PIEZO2: variants seen among roughly 807,000 people sequenced by gnomAD.
PIEZO2 encodes the protein piezo-type mechanosensitive ion channel component 2.
In PIEZO2, 172 loss-of-function variants were observed where a neutral mutation model predicts 337.3. That is an observed-to-expected ratio of 0.51 (90% CI 0.45 to 0.58). The LOEUF (loss-of-function observed/expected upper bound fraction) is 0.58. PIEZO2 is among the 20% of genes least tolerant of loss of function. The probability of loss-of-function intolerance (pLI) is 0.00; values close to 1 mark genes in which losing one functional copy is unlikely to be tolerated. For missense variants in PIEZO2, 3,028 were observed against 3,391.3 expected (o/e 0.89, Z 2.66); for synonymous variants, 1,251 against 1,228.5 (o/e 1.02, Z -0.38).
At chr18:10,785,453 G>C (rs2039185333) in intron 16 of PIEZO2, among the ~76,000 whole-genome samples, 4 of 152,156 alleles carry the variant, frequency 2.6e-5, no homozygotes, top group Admixed American at 2.6e-4. Context: ...AGATTCTCGT[G>C]CCCAAATTGC....
chr18:11,131,386 G>A lies in PIEZO2; in HGVS notation c.64+17139C>T, dbSNP rs1236560097. ...TACCCTGTCTTCTCTCCCACAGCCT[G>A]CACCGATGGCCTCATGGGGAGTTCC... On this transcript the variant is annotated intron_variant, in intron 1 of 55. Transcript: ENST00000674853. This position sits in a 1 kb window ranked among gnomAD's most constrained non-coding sequence, Gnocchi z 5.3. Among the ~76,000 whole-genome samples, 1 of 152,166 alleles carries A rather than the reference G, an allele frequency of 6.6e-6. No individual in the cohort carries two copies. The highest frequency in any genetic ancestry group is 1.5e-5 in the Non-Finnish European group (1 of 68,026).
At chr18:10,735,678 C>T (rs541111681) in intron 34 of PIEZO2, among the ~76,000 whole-genome samples, 1 of 152,232 alleles carries the variant, frequency 6.6e-6, no homozygotes, top group South Asian at 2.1e-4. Flanking sequence ...CATGAAGAAA[C>T]AGACACAAGA....
intron 3 of PIEZO2, among the ~76,000 whole-genome samples, chr18:10,974,600 G>A (rs2034366880): frequency 6.6e-6 from 1 of 152,188 alleles, no homozygotes; most frequent in African/African-American, 2.4e-5. Context: ...TGAATAAAGA[G>A]CTCCGTAAAG....
rs1162420836 is a variant in PIEZO2, at chr18:10,908,073, C to T, written c.329+3113G>A. Among the ~76,000 whole-genome samples the T allele has an allele frequency of 2.6e-5, 4 of 152,282 alleles. No homozygotes were observed. In the South Asian group the frequency reaches 6.2e-4, roughly 24 times the overall value. On this transcript the variant is annotated intron_variant, in intron 4 of 55. Coordinates refer to ENST00000674853, the MANE Select transcript of PIEZO2 (RefSeq NM_001378183.1). ...TGTAAATGACACATTATTATGAGTA[C>T]AGCCACATAAACTGTGACTACGTGT...
rs1436224309 is a variant in PIEZO2 at position 10,697,994 on chromosome 18, T to C, written c.6695-114A>G. The C allele has an allele frequency of 1.1e-5, 4 of 365,560 alleles. No individual in the cohort carries two copies. In the East Asian group the frequency reaches 3.4e-4, roughly 31 times the overall value. 22.6% of individuals were successfully genotyped at this position (365,560 alleles called of 1,614,324 possible). A position where few individuals can be genotyped will look rare whatever the true frequency, so the allele number is the denominator to read the frequency against. On this transcript the variant is annotated intron_variant, in intron 44 of 55. Transcript: ENST00000674853. ...GGTGGAGGGATAGCTCAGGACTGTT[T>C]GGGAGGATGAGTATGCACGGCCTTG...
intron 1 of PIEZO2, among the ~76,000 whole-genome samples, chr18:11,087,667 T>A (rs2146021214): frequency 6.6e-6 from 1 of 152,334 alleles, no homozygotes; most frequent in African/African-American, 2.4e-5. Flanking sequence ...CTTCCCTCCC[T>A]TATTCTTTCC....
chr18:11,115,259 T>C (rs1231951410), intron 1 of PIEZO2, among the ~76,000 whole-genome samples: 2 of 152,222 alleles, frequency 1.3e-5, no homozygotes, highest in African/African-American at 2.4e-5. Flanking sequence ...CATTTGCTAA[T>C]TGAAAATTGA....
At chr18:11,014,577 T>C (rs563098942) in intron 2 of PIEZO2, among the ~76,000 whole-genome samples, 2 of 142,474 alleles carry the variant, frequency 1.4e-5, no homozygotes, top group African/African-American at 5.3e-5. Flanking sequence ...CATGTCACCC[T>C]GGGTGGGAGA....
chr18:10,839,646 G>T (rs530137976), intron 7 of PIEZO2, among the ~76,000 whole-genome samples: 2 of 152,350 alleles, frequency 1.3e-5, no homozygotes, highest in South Asian at 2.1e-4. Flanking sequence ...ACCCTGAAGG[G>T]CATGGAGGCT....
chr18:10,772,798 A>G (rs913347597), intron 20 of PIEZO2, among the ~76,000 whole-genome samples: 4 of 152,210 alleles, frequency 2.6e-5, no homozygotes, highest in African/African-American at 9.6e-5. Context: ...ATCATGCTCT[A>G]TTAAAACATT....
At chr18:10,761,203 A>C (rs1598443924) in intron 23 of PIEZO2, 92 bp from the exon 24 acceptor site, 1 of 1,139,430 alleles carries the variant, frequency 8.8e-7, no homozygotes, top group East Asian at 2.6e-5. Flanking sequence ...CTACAAGGAC[A>C]ATGTTTTATA....
At chr18:10,902,522 T>C (rs2043075878) in intron 4 of PIEZO2, among the ~76,000 whole-genome samples, 1 of 152,178 alleles carries the variant, frequency 6.6e-6, no homozygotes, top group African/African-American at 2.4e-5. Context: ...ATGTCCAATG[T>C]TTACATCAGA....
At chr18:10,916,588 G>A (rs769891465) in intron 3 of PIEZO2, among the ~76,000 whole-genome samples, 7 of 152,144 alleles carry the variant, frequency 4.6e-5, no homozygotes, top group Non-Finnish European at 1.0e-4. Context: ...TGTGGGGTCC[G>A]TGAGGCCGCG....
chr18:10,786,716 AACTT>A (rs2039236778), intron 16 of PIEZO2, among the ~76,000 whole-genome samples: 1 of 152,232 alleles, frequency 6.6e-6, no homozygotes, highest in Non-Finnish European at 1.5e-5. Flanking sequence ...TAAGTGCATG[AACTT>A]ACTTAAGAAC....
Position 10,752,778 on chromosome 18 carries a change from C to A in PIEZO2, c.4025G>T (p.Cys1342Phe). 6.5e-7 allele frequency: 1 copy of A among 1,537,172 alleles called. No homozygotes were observed. The highest frequency in any genetic ancestry group is 8.7e-7 in the Non-Finnish European group (1 of 1,146,896). The stretch of plus-strand genomic sequence containing the variant: ...GAAACAGGCCACCAGGTACCCCATG[C>A]AAAAGATGCTGATCCTGGTGGTCCC... Reference protein sequence around the residue: ...ITGTTRISIFCMGYLVACFYF... With the variant: ...ITGTTRISIFFMGYLVACFYF... Residue 1342 changes from cysteine to phenylalanine, a missense_variant, in exon 28 of 56, where the codon TGC (cysteine) becomes TTC (phenylalanine). Cys to Phe is a radical substitution (Grantham distance 205). Around this residue, in one of 5 missense-constraint regions of PIEZO2, gnomAD observed 1,925 missense variants for 2,051.9 expected, o/e 0.94. Coordinates refer to ENST00000674853, the MANE Select transcript of PIEZO2 (RefSeq NM_001378183.1).
chr18:10,951,275 C>G (rs576802800), intron 3 of PIEZO2, among the ~76,000 whole-genome samples: 1 of 152,298 alleles, frequency 6.6e-6, no homozygotes, highest in African/African-American at 2.4e-5. Context: ...AAAACCTTCT[C>G]TTTGTTTCTC....
At position 10,795,075 on chromosome 18, in the gene PIEZO2, A is replaced by T; in HGVS notation, c.1528-73T>A. ...AGTCCCCCCCGCCCTGGTAAGGTAA[A>T]AACTATCTAAAAAGAAAAGGTCATA... On this transcript the variant is annotated intron_variant, in intron 12 of 55. Transcript: ENST00000674853. The surrounding 1 kb of genome is among the most constrained non-coding windows in gnomAD (Gnocchi z 4.4). 8.0e-7 allele frequency: 1 copy of T among 1,255,052 alleles called. No homozygotes were observed. 77.7% of individuals were successfully genotyped at this position (1,255,052 alleles called of 1,614,324 possible). A position where few individuals can be genotyped will look rare whatever the true frequency, so the allele number is the denominator to read the frequency against.
At chr18:10,907,737 C>T (rs1016934289) in intron 4 of PIEZO2, among the ~76,000 whole-genome samples, 1 of 152,150 alleles carries the variant, frequency 6.6e-6, no homozygotes, top group African/African-American at 2.4e-5. Context: ...CTGGCATCAC[C>T]CTATCCTAGA....
intron 5 of PIEZO2, among the ~76,000 whole-genome samples, chr18:10,858,693 C>T (rs909776035): frequency 5.3e-5 from 8 of 152,100 alleles, no homozygotes; most frequent in Admixed American, 2.6e-4. Flanking sequence ...TCTAGTTAAG[C>T]GTAAAGCGGC....
Sources: gnomAD v4.1 joint callset for allele counts (sites outside exome capture counted in the v4.1 genomes callset) on GRCh38, gnomAD v4.1.1 for gene constraint, gnomAD v4.1.1 regional missense constraint, Gnocchi (gnomAD v3.1) non-coding constraint, MANE v1.5 for transcripts, NCBI Gene and HGNC (gene_info 2026-07-23, HGNC 2026-07-21) for gene names.